CACNA1B: variants seen among roughly 807,000 people sequenced by gnomAD.
CACNA1B encodes the protein calcium voltage-gated channel subunit alpha1 B, also known as voltage-dependent N-type calcium channel subunit alpha-1B.
In CACNA1B, 70 loss-of-function variants were observed where a neutral mutation model predicts 247.2. That is an observed-to-expected ratio of 0.28 (90% CI 0.23 to 0.35). The LOEUF is 0.35. Among genes scored for constraint, CACNA1B ranks in the 10% least tolerant of loss-of-function variants. CACNA1B has a pLI of 1.00. For missense variants in CACNA1B, 2,367 were observed against 3,197.4 expected, an observed-to-expected ratio of 0.74 and a Z score of 6.26; for synonymous variants, 1,231 against 1,294.4, an observed-to-expected ratio of 0.95 and a Z score of 1.05.
At chr9:138,038,504 A>G (rs1324497272) in intron 20 of CACNA1B, among the ~76,000 whole-genome samples, 1 of 152,176 alleles carries the variant, frequency 6.6e-6, no homozygotes. Flanking sequence ...CCCTTGGACT[A>G]CAGGAACCAC....
chr9:138,045,765 G>T (rs946419481), intron 21 of CACNA1B, among the ~76,000 whole-genome samples: 6 of 152,186 alleles, frequency 3.9e-5, no homozygotes, highest in South Asian at 2.1e-4. Flanking sequence ...AAGGGTTGAG[G>T]CAGCAGCAGG....
At chr9:138,076,127 A>AG (rs1396223701) in intron 35 of CACNA1B, among the ~76,000 whole-genome samples, 1 of 152,146 alleles carries the variant, frequency 6.6e-6, no homozygotes, top group Non-Finnish European at 1.5e-5. Context: ...AACAGGCTGA[A>AG]GGGAAGCCCT....
At chr9:137,927,448 C>T (rs1957564263) in intron 6 of CACNA1B, among the ~76,000 whole-genome samples, 1 of 152,256 alleles carries the variant, frequency 6.6e-6, no homozygotes, top group African/African-American at 2.4e-5. Context: ...GTCTTGAACT[C>T]CCGACCTCAG....
At chr9:137,993,535 A>G (rs981709478) in intron 15 of CACNA1B, among the ~76,000 whole-genome samples, 22 of 152,200 alleles carry the variant, frequency 1.4e-4, no homozygotes, top group African/African-American at 4.8e-4. Flanking sequence ...CCACAGAAAT[A>G]CAAAAGATTA....
At chr9:137,937,820 G>A (rs1018078028) in intron 6 of CACNA1B, among the ~76,000 whole-genome samples, 5 of 151,882 alleles carry the variant, frequency 3.3e-5, no homozygotes, top group Middle Eastern at 3.4e-3. Context: ...GGTGGTGCAC[G>A]CCTGTAATCC....
chr9:137,905,101 T>A (rs1377890183), intron 3 of CACNA1B, among the ~76,000 whole-genome samples: 4 of 152,166 alleles, frequency 2.6e-5, no homozygotes, highest in African/African-American at 7.2e-5. Flanking sequence ...ATACCTGTAA[T>A]CCCAGCACTT....
intron 3 of CACNA1B, among the ~76,000 whole-genome samples, chr9:137,897,975 A>T (rs948025539): frequency 2.0e-5 from 3 of 152,182 alleles, no homozygotes; most frequent in Admixed American, 2.0e-4. Flanking sequence ...CTGTTTAGAT[A>T]AATTTCTTTA....
chr9:137,889,871 C>G (rs1436725020), intron 3 of CACNA1B, among the ~76,000 whole-genome samples: 21 of 146,570 alleles, frequency 1.4e-4, no homozygotes, highest in African/African-American at 4.6e-4. Flanking sequence ...TGTGTCTCCC[C>G]CCTCCCTCTC....
rs200019246 is a variant in CACNA1B, at chr9:138,114,495, C to T, written c.5649+5C>T. ...GCTCCTGGAGGCCTCTCCCAGGTAG[C>T]TGGCGGCCCTCAGTTTTCCAGGAAA... On this transcript the variant is annotated splice_donor_5th_base_variant and intron_variant, in intron 41 of 46. Transcript: ENST00000371372. 4.4e-5 allele frequency: 65 copies of T among 1,485,944 alleles called. No individual in the cohort carries two copies. Among genetic ancestry groups the T allele is most frequent in the Non-Finnish European group, 5.4e-5 (59 of 1,082,742 alleles). 92.0% of individuals were successfully genotyped at this position (1,485,944 alleles called of 1,614,324 possible). A position where few individuals can be genotyped will look rare whatever the true frequency, so the allele number is the denominator to read the frequency against.
intron 36 of CACNA1B, among the ~76,000 whole-genome samples, chr9:138,081,651 AC>A (rs1564277428): frequency 6.6e-6 from 1 of 151,152 alleles, no homozygotes; most frequent in Non-Finnish European, 1.5e-5. Context: ...TCTTATGAAT[AC>A]ATTAAGTATT....
intron 6 of CACNA1B, among the ~76,000 whole-genome samples, chr9:137,947,309 G>T (rs544851543): frequency 7.9e-5 from 12 of 152,148 alleles, no homozygotes; most frequent in Non-Finnish European, 1.6e-4. Flanking sequence ...AGGGGGGTGG[G>T]CCGCAAAGGG....
Position 138,121,723 on chromosome 9 carries a change from G to A in CACNA1B, c.6744G>A (p.Leu2248=), listed in dbSNP as rs754256759. The part of the protein sequence containing the change: ...LLQRDPLSQP[L]APGSRIGSDP... ...AGAGAGACCCCCTCAGCCAGCCCCT[G>A]GCCCCTGGCTCTCGAATTGGCTCTG... is the stretch of plus-strand genomic sequence containing the variant. Residue 2248 remains leucine, a synonymous_variant, in exon 47 of 47, where the codon CTG becomes CTA. Coordinates refer to ENST00000371372, the MANE Select transcript of CACNA1B (RefSeq NM_000718.4). The surrounding 1 kb of genome is among the most constrained non-coding windows in gnomAD (Gnocchi z 6.8). The A allele has an allele frequency of 1.9e-6, 3 of 1,613,408 alleles. No individual in the cohort carries two copies. In the South Asian group the frequency reaches 3.3e-5, roughly 18 times the overall value.
rs41289997 is a variant in CACNA1B, at chr9:137,879,312, C to G, written c.390+153C>G. Among the ~76,000 whole-genome samples the G allele has an allele frequency of 0.14, 21,824 of 152,302 alleles. 1,730 individuals are homozygous for G. The highest frequency in any genetic ancestry group is 0.18 in the Admixed American group (2,682 of 15,308). On this transcript the variant is annotated intron_variant, in intron 2 of 46. Coordinates refer to ENST00000371372, the MANE Select transcript of CACNA1B (RefSeq NM_000718.4). The stretch of plus-strand genomic sequence containing the variant: ...GAAAAGGTAGGCCTGGCAGATAACA[C>G]CTTCCTCGAGGGCCAGGGCAGCTGG...
intron 42 of CACNA1B, 23 bp downstream of exon 42, chr9:138,115,702 T>C (rs761059054): frequency 9.4e-6 from 15 of 1,602,488 alleles, no homozygotes; most frequent in Middle Eastern, 1.7e-4. Context: ...ATGCAGGACA[T>C]AGCTGGACAG....
At chr9:137,972,907 G>A (rs1477537489) in intron 11 of CACNA1B, among the ~76,000 whole-genome samples, 1 of 152,208 alleles carries the variant, frequency 6.6e-6, no homozygotes, top group Non-Finnish European at 1.5e-5. Context: ...TGACTGACAC[G>A]TCCTGGGGCC....
chr9:138,087,789 A>G (rs560774523), intron 36 of CACNA1B, among the ~76,000 whole-genome samples: 1 of 151,636 alleles, frequency 6.6e-6, no homozygotes, highest in Non-Finnish European at 1.5e-5. Flanking sequence ...ATAGAAACAC[A>G]TGTCATGATA....
chr9:138,031,335 G>T (rs563731082), intron 20 of CACNA1B, among the ~76,000 whole-genome samples: 1 of 152,096 alleles, frequency 6.6e-6, no homozygotes, highest in African/African-American at 2.4e-5. Context: ...CTATTTCTCT[G>T]TTATTAACTT....
chr9:138,079,559 G>A (rs775628556), intron 36 of CACNA1B, among the ~76,000 whole-genome samples: 2 of 151,896 alleles, frequency 1.3e-5, no homozygotes, highest in Admixed American at 6.6e-5. Context: ...CCTGGCCAAC[G>A]TGGTGAAACC....
At chr9:137,904,836 A>T (rs148420609) in intron 3 of CACNA1B, among the ~76,000 whole-genome samples, 1 of 151,960 alleles carries the variant, frequency 6.6e-6, no homozygotes, top group African/African-American at 2.4e-5. Context: ...TTTCCTATTC[A>T]TGTCCTACTA....
Sources: allele counts gnomAD v4.1 joint callset (sites outside exome capture counted in the v4.1 genomes callset), GRCh38; gene constraint gnomAD v4.1.1; non-coding constraint Gnocchi (gnomAD v3.1); transcripts MANE v1.5; gene names NCBI Gene and HGNC (gene_info 2026-07-23, HGNC 2026-07-21).